Variants in UNC79 observed in about 807,000 individuals in gnomAD.
UNC79 encodes the protein unc-79 subunit of NALCN channel complex, also known as protein unc-79 homolog.
A neutral mutation model predicts 283.1 loss-of-function variants in UNC79; 37 were observed. That is an observed-to-expected ratio of 0.13 (90% CI 0.10 to 0.17). The LOEUF (loss-of-function observed/expected upper bound fraction) is 0.17, where lower values mean the gene tolerates loss of function less well. Ranked by LOEUF, UNC79 falls within the 10% of genes least tolerant of loss-of-function variation. The probability of loss-of-function intolerance (pLI) is 1.00; values close to 1 mark genes in which losing one functional copy is unlikely to be tolerated. For synonymous variants in UNC79, 1,107 were observed against 1,200.2 expected (o/e 0.92, Z 1.61); for missense variants, 2,272 against 3,211.1 (o/e 0.71, Z 7.07).
At chr14:93,579,646 T>G (rs2063671545) in intron 18 of UNC79, among the ~76,000 whole-genome samples, 1 of 152,244 alleles carries the variant, frequency 6.6e-6, no homozygotes, top group Admixed American at 6.5e-5. Context: ...CCTGTGTTCT[T>G]TTGGCACATC....
rs2061336554 is a variant in UNC79, at chr14:93,540,782, A to G, written c.1475A>G (p.Asp492Gly). 3 of 1,613,534 alleles carry G rather than the reference A, an allele frequency of 1.9e-6. No homozygotes were observed. The African/African-American group carries it at 4.0e-5, about 22-fold the overall frequency. The change falls in exon 13 of 49, where the codon GAT (aspartate) becomes GGT (glycine). Residue 492 changes from aspartate (D) to glycine (G), a missense_variant. Asp to Gly is a moderately conservative substitution (Grantham distance 94). Around this residue, in one of 11 missense-constraint regions of UNC79, gnomAD observed 142 missense variants for 230.7 expected, o/e 0.62. Coordinates refer to ENST00000555664, the Ensembl canonical transcript of UNC79. ...AATGCTGACTTTGATAACAAGGACGATGATAAACACGATCAGAGGCTGCTC... is the reference window on the plus strand; with the variant it reads ...AATGCTGACTTTGATAACAAGGACGGTGATAAACACGATCAGAGGCTGCTC...
intron 16 of UNC79, among the ~76,000 whole-genome samples, chr14:93,573,850 C>T (rs1034935268): frequency 3.3e-5 from 5 of 152,082 alleles, no homozygotes; most frequent in Non-Finnish European, 7.4e-5. Flanking sequence ...ACAAAAAATA[C>T]AAAAATTAGC....
intron 1 of UNC79, among the ~76,000 whole-genome samples, chr14:93,432,885 C>A (rs1452434174): frequency 6.6e-6 from 1 of 152,208 alleles, no homozygotes; most frequent in Non-Finnish European, 1.5e-5. Flanking sequence ...CTGTCCTCTT[C>A]CTGTGTTTTC....
chr14:93,420,081 A>G (rs1403371912), intron 1 of UNC79, among the ~76,000 whole-genome samples: 1 of 151,416 alleles, frequency 6.6e-6, no homozygotes, highest in Non-Finnish European at 1.5e-5. Flanking sequence ...GAAAGCAAAT[A>G]ACAAAATGGT....
intron 38 of UNC79, among the ~76,000 whole-genome samples, chr14:93,655,669 A>AG (rs1173833621): frequency 1.3e-5 from 2 of 151,960 alleles, no homozygotes; most frequent in Non-Finnish European, 1.5e-5. Context: ...AAACAAAAAA[A>AG]CAGCCAGGAA....
At chr14:93,508,564 G>T (rs567857686) in intron 7 of UNC79, among the ~76,000 whole-genome samples, 1 of 152,120 alleles carries the variant, frequency 6.6e-6, no homozygotes, top group Admixed American at 6.5e-5. Flanking sequence ...TCTCTCAGTG[G>T]TGCTCTGTAT....
In UNC79 at chr14:93,447,825, G is replaced by T. The variant is rs182925623; in HGVS notation, c.22+16774G>T. Among the ~76,000 whole-genome samples, 5 of 151,480 alleles carry T rather than the reference G, an allele frequency of 3.3e-5. No individual in the cohort carries two copies. In the East Asian group the frequency reaches 9.7e-4, roughly 29 times the overall value. On this transcript the variant is annotated intron_variant, in intron 1 of 48. Coordinates refer to ENST00000555664, the Ensembl canonical transcript of UNC79. The stretch of plus-strand genomic sequence containing the variant: ...AAATGTTATTCCCTCTGGCCTTCTT[G>T]GTTTCAGAGGTGAATTCAGCCATTA...
intron 18 of UNC79, 41 bp from the exon 19 acceptor site, chr14:93,580,108 T>G (rs548543353): frequency 3.3e-4 from 491 of 1,500,712 alleles, no homozygotes; most frequent in Non-Finnish European, 3.5e-4. Context: ...TCTTTTTTTT[T>G]TGTGTGTGTG....
intron 1 of UNC79, among the ~76,000 whole-genome samples, chr14:93,401,944 G>A (rs941632005): frequency 7.9e-5 from 12 of 152,094 alleles, no homozygotes; most frequent in African/African-American, 4.8e-5. Flanking sequence ...CACACAGGAC[G>A]TATCCAATTC....
intron 33 of UNC79, 99 bp from the exon 37 acceptor site, chr14:93,643,458 T>C: frequency 1.3e-6 from 2 of 1,583,158 alleles, no homozygotes; most frequent in Non-Finnish European, 1.7e-6. Flanking sequence ...TTTGGAGACT[T>C]TTCCAAGACC....
intron 30 of UNC79, among the ~76,000 whole-genome samples, chr14:93,623,248 A>G (rs938587012): frequency 6.6e-6 from 1 of 152,198 alleles, no homozygotes; most frequent in Non-Finnish European, 1.5e-5. Flanking sequence ...GAAGGAACCA[A>G]TGTGGAGGCT....
intron 11 of UNC79, among the ~76,000 whole-genome samples, chr14:93,534,332 C>A (rs2060966424): frequency 6.6e-6 from 1 of 152,212 alleles, no homozygotes; most frequent in African/African-American, 2.4e-5. Flanking sequence ...CTTTCTCAAT[C>A]TGCTTCGTGC....
intron 14 of UNC79, among the ~76,000 whole-genome samples, chr14:93,564,677 C>T (rs577909639): frequency 1.3e-5 from 2 of 151,580 alleles, no homozygotes; most frequent in East Asian, 1.9e-4. Flanking sequence ...AGAGAGTCAG[C>T]GAAGGGAGAT....
At chr14:93,532,777 C>A (rs1397244149) in intron 11 of UNC79, among the ~76,000 whole-genome samples, 199 bp downstream of exon 11, 1 of 152,184 alleles carries the variant, frequency 6.6e-6, no homozygotes, top group Admixed American at 6.5e-5. Context: ...TGCTTTTGCT[C>A]ACCCATCTTA....
intron 17 of UNC79, 57 bp downstream of exon 17, chr14:93,575,255 C>T (rs1427156897): frequency 6.2e-7 from 1 of 1,608,524 alleles, no homozygotes; most frequent in Non-Finnish European, 8.5e-7. Context: ...AAACCCTTGT[C>T]AGTTATCCTA....
rs552625019 is a variant in UNC79 at position 93,542,911 on chromosome 14, G to A, written c.1755+215G>A. Among the ~76,000 whole-genome samples the A allele has an allele frequency of 6.6e-5, 10 of 152,020 alleles. No homozygotes were observed. The South Asian group carries it at 1.9e-3, about 28-fold the overall frequency. ...GAAGAATGGCAAGATGCATTTGTGA[G>A]GTATCTTTAAGAATTTAAGGGACCA... On this transcript the variant is annotated intron_variant, in intron 14 of 48. Coordinates refer to ENST00000555664, the Ensembl canonical transcript of UNC79.
chr14:93,500,038 G>C (rs1957674), intron 7 of UNC79, among the ~76,000 whole-genome samples: 46,640 of 151,868 alleles, frequency 0.31, 7,522 homozygotes, highest in East Asian at 0.65. Context: ...GCCTGGGAAG[G>C]AGTTTGGATT....
intron 1 of UNC79, among the ~76,000 whole-genome samples, chr14:93,346,425 A>G (rs2053830235): frequency 6.6e-6 from 1 of 152,224 alleles, no homozygotes; most frequent in Non-Finnish European, 1.5e-5. Flanking sequence ...AGACAAGAGG[A>G]TGGCTTGAGC....
rs574909710 is a variant in UNC79, at chr14:93,466,786, C to T, written c.23-885C>T. Reference sequence around the variant, plus strand: ...TCTGTGGAAGAGGAGACCAGAGAGACGTTGATCATCATGGCTCCTTGGGAT... The same window carrying T: ...TCTGTGGAAGAGGAGACCAGAGAGATGTTGATCATCATGGCTCCTTGGGAT... On this transcript the variant is annotated intron_variant, in intron 1 of 48. Transcript: ENST00000555664. The T allele has an allele frequency of 1.6e-5, 15 of 912,776 alleles. No individual in the cohort carries two copies. The Admixed American group carries it at 8.0e-4, about 49-fold the overall frequency. 56.5% of individuals were successfully genotyped at this position (912,776 alleles called of 1,614,324 possible).
Sources: allele counts gnomAD v4.1 joint callset (sites outside exome capture counted in the v4.1 genomes callset), GRCh38; gene constraint gnomAD v4.1.1; regional missense constraint gnomAD v4.1.1; transcripts MANE v1.5; gene names NCBI Gene and HGNC (gene_info 2026-07-23, HGNC 2026-07-21).